Variants in LHFPL4 observed in about 807,000 individuals in gnomAD.
LHFPL4 encodes the protein LHFPL tetraspan subfamily member 4, also known as LHFPL tetraspan subfamily member 4 protein.
Under a neutral mutation model 20.0 loss-of-function variants are expected in LHFPL4, and 6 were observed. The ratio of observed to expected loss-of-function variants is 0.30; its 90% CI spans 0.16 to 0.59. LHFPL4 has a LOEUF of 0.59. LHFPL4 is among the 20% of genes least tolerant of loss of function. The pLI is 0.88. For synonymous variants in LHFPL4, 129 were observed against 143.8 expected (o/e 0.90, Z 0.74); for missense variants, 215 against 331.2 (o/e 0.65, Z 2.72).
chr3:9,552,447 C>T lies in LHFPL4; in HGVS notation c.233G>A (p.Arg78Gln), dbSNP rs2046561794. The stretch of plus-strand genomic sequence containing the variant: ...GGTGCTGAAGTCGGTGAAGGAGCCC[C>T]GGCAGGTGAGCTCGCGGCCCGCCAG... Reference protein sequence around the residue: ...SGLAGRELTCRGSFTDFSTIP... With the variant: ...SGLAGRELTCQGSFTDFSTIP... The change falls in exon 2 of 4, where the codon CGG becomes CAG. Residue 78 changes from arginine to glutamine, a missense_variant. Physicochemically the swap from Arg to Gln is conservative, Grantham distance 43. Around this residue, in one of 2 missense-constraint regions of LHFPL4, gnomAD observed 164 missense variants for 286.7 expected, o/e 0.57. Coordinates refer to ENST00000287585, the MANE Select transcript of LHFPL4 (RefSeq NM_198560.3). 4.3e-6 allele frequency: 7 copies of T among 1,613,380 alleles called. No individual in the cohort carries two copies. Among genetic ancestry groups the T allele is most frequent in the Non-Finnish European group, 5.9e-6 (7 of 1,179,804 alleles).
At chr3:9,529,230 T>C (rs981149671) in intron 2 of LHFPL4, among the ~76,000 whole-genome samples, 1 of 152,080 alleles carries the variant, frequency 6.6e-6, no homozygotes. Context: ...GGTTTCACCA[T>C]GTTGGCCAGG....
intron 3 of LHFPL4, among the ~76,000 whole-genome samples, chr3:9,502,758 T>C (rs1574835192): frequency 6.7e-6 from 1 of 150,314 alleles, no homozygotes; most frequent in Non-Finnish European, 1.5e-5. Context: ...AGCGCTGAAA[T>C]CCTAGCCTCA....
At chr3:9,502,707 A>G (rs2125654241) in intron 3 of LHFPL4, among the ~76,000 whole-genome samples, 1 of 151,740 alleles carries the variant, frequency 6.6e-6, no homozygotes, top group East Asian at 1.9e-4. Context: ...CCATCTCAAA[A>G]AAAAAAAAAA....
chr3:9,534,845 T>C (rs1201860701), intron 2 of LHFPL4, among the ~76,000 whole-genome samples: 1 of 152,222 alleles, frequency 6.6e-6, no homozygotes, highest in Non-Finnish European at 1.5e-5. Flanking sequence ...TTGACTGAGC[T>C]TGCCAATTTA....
chr3:9,498,505 C>T lies in LHFPL4; in HGVS notation c.*3706G>A, dbSNP rs2046146744. On this transcript the variant is annotated 3_prime_UTR_variant, in exon 4 of 4. Coordinates refer to ENST00000287585, the MANE Select transcript of LHFPL4 (RefSeq NM_198560.3). ...CGAGGACACACTCAGACAAAACTTA[C>T]TAATGGGGTATAGACAACACCAAGC... The T allele has an allele frequency of 6.5e-6, 1 of 152,768 alleles. No homozygotes were observed. Among genetic ancestry groups the T allele is most frequent in the South Asian group, 2.1e-4 (1 of 4,832 alleles). 9.5% of individuals were successfully genotyped at this position (152,768 alleles called of 1,614,324 possible).
Position 9,552,726 on chromosome 3 carries a change from C to G in LHFPL4, c.-47G>C, listed in dbSNP as rs1406487215. ...CGGCGGCGGCGGCTGGCGGGGGCCG[C>G]CGGCCCGGGACGGAGCGCCGGGCTG... On this transcript the variant is annotated 5_prime_UTR_variant, in exon 2 of 4. Coordinates refer to ENST00000287585, the MANE Select transcript of LHFPL4 (RefSeq NM_198560.3). The G allele has an allele frequency of 8.5e-7, 1 of 1,173,478 alleles. No homozygotes were observed. The highest frequency in any genetic ancestry group is 1.1e-6 in the Non-Finnish European group (1 of 940,658). The allele number at this position is 1,173,478 out of a possible 1,614,324, so 72.7% of individuals were successfully genotyped here. A position where few individuals can be genotyped will look rare whatever the true frequency, so the allele number is the denominator to read the frequency against.
At position 9,506,013 on chromosome 3, in the gene LHFPL4, G is replaced by A; in HGVS notation, c.597C>T (p.Asn199=). The A allele has an allele frequency of 6.2e-7, 1 of 1,614,198 alleles. No individual in the cohort carries two copies. Among genetic ancestry groups the A allele is most frequent in the Non-Finnish European group, 8.5e-7 (1 of 1,180,032 alleles). The change falls in exon 3 of 4, where the codon AAC becomes AAT. Residue 199 remains asparagine, a synonymous_variant. Transcript: ENST00000287585. This position sits in a 1 kb window ranked among gnomAD's most constrained non-coding sequence, Gnocchi z 4.5. ...ILSFLAFVLG[N]RQTDLLQEEL... ...CCTCCTGCAGCAGGTCTGTTTGCCG[G>A]TTGCCCAGCACGAAGGCGAGGAAGG...
intron 2 of LHFPL4, among the ~76,000 whole-genome samples, chr3:9,536,474 C>G (rs2046445327): frequency 1.3e-5 from 2 of 152,140 alleles, no homozygotes; most frequent in Admixed American, 1.3e-4. Context: ...GCAAGGCTGA[C>G]TAACTCAACC....
chr3:9,526,423 A>G (rs79200782), intron 2 of LHFPL4, among the ~76,000 whole-genome samples: 2,851 of 152,304 alleles, frequency 0.019, 95 homozygotes, highest in African/African-American at 0.065. Context: ...AAAATGCGGG[A>G]AAAAAGAATG....
chr3:9,524,091 T>A (rs535261141), intron 2 of LHFPL4, among the ~76,000 whole-genome samples: 1 of 151,526 alleles, frequency 6.6e-6, no homozygotes, highest in Non-Finnish European at 1.5e-5. Flanking sequence ...AAGATGTTTG[T>A]TTTTTGTTGT....
chr3:9,522,901 C>T (rs1397216462), intron 2 of LHFPL4, among the ~76,000 whole-genome samples: 1 of 151,124 alleles, frequency 6.6e-6, no homozygotes, highest in African/African-American at 2.4e-5. Context: ...ATTAGCCTGG[C>T]GTGGTGGTGG....
intron 2 of LHFPL4, among the ~76,000 whole-genome samples, chr3:9,547,758 C>G (rs1021299267): frequency 1.3e-5 from 2 of 151,910 alleles, no homozygotes; most frequent in Non-Finnish European, 2.9e-5. Flanking sequence ...ATTAATCCTC[C>G]TTTAACCAAG....
chr3:9,543,427 G>A (rs1041987098), intron 2 of LHFPL4, among the ~76,000 whole-genome samples: 1 of 151,756 alleles, frequency 6.6e-6, no homozygotes, highest in African/African-American at 2.4e-5. Flanking sequence ...CAGAACCCAG[G>A]AGGCGGAGCT....
intron 2 of LHFPL4, among the ~76,000 whole-genome samples, chr3:9,528,555 T>A (rs1320446402): frequency 6.6e-6 from 1 of 152,210 alleles, no homozygotes; most frequent in East Asian, 1.9e-4. Flanking sequence ...TTAACCTCTT[T>A]CAAACTCCTG....
At position 9,502,198 on chromosome 3, in the gene LHFPL4, T is replaced by C; in HGVS notation, c.*13A>G. 6.2e-7 allele frequency: 1 copy of C among 1,602,394 alleles called. No homozygotes were observed. Among genetic ancestry groups the C allele is most frequent in the South Asian group, 1.1e-5 (1 of 90,838 alleles). On this transcript the variant is annotated 3_prime_UTR_variant, in exon 4 of 4. Transcript: ENST00000287585. Reference sequence around the variant, plus strand: ...TGAGGTCAGGCCAATTACTGGGCTGTGATCCTGGCCTTTCAGGGTCCCTGT... The same window carrying C: ...TGAGGTCAGGCCAATTACTGGGCTGCGATCCTGGCCTTTCAGGGTCCCTGT...
Position 9,505,053 on chromosome 3 carries a change from G to A in LHFPL4, c.643+914C>T, listed in dbSNP as rs56386759. Among the ~76,000 whole-genome samples, 458 of 152,006 alleles carry A rather than the reference G, an allele frequency of 3.0e-3. 3 individuals carry two copies. The highest frequency in any genetic ancestry group is 5.5e-3 in the Non-Finnish European group (377 of 67,990). On this transcript the variant is annotated intron_variant, in intron 3 of 3. Coordinates refer to ENST00000287585, the MANE Select transcript of LHFPL4 (RefSeq NM_198560.3). ...CTGCTCTGTGATGTGAACATGTCAC[G>A]TGTATTTATCCGGCCTCCTGTCCAT...
rs1300269235 is a variant in LHFPL4 at position 9,552,347 on chromosome 3, G to C, written c.333C>G (p.Thr111=). 6.2e-7 allele frequency: 1 copy of C among 1,613,910 alleles called. No individual in the cohort carries two copies. The change falls in exon 2 of 4, where the codon ACC becomes ACG. Residue 111 remains threonine, a synonymous_variant. Transcript: ENST00000287585. The stretch of plus-strand genomic sequence containing the variant: ...TGCAGAAGAAGAAAAGCGAAAAGCA[G>C]GTGATGCAGCCGAGGATCAGCACCA... ...LSMVLILGCI[T]CFSLFFFCNT... is the part of the protein sequence containing the mutation.
Position 9,538,753 on chromosome 3 carries a change from C to T in LHFPL4, c.406+13521G>A, listed in dbSNP as rs904750360. Among the ~76,000 whole-genome samples the T allele has an allele frequency of 4.6e-5, 7 of 150,890 alleles. No homozygotes were observed. The East Asian group carries it at 1.4e-3, about 30-fold the overall frequency. On this transcript the variant is annotated intron_variant, in intron 2 of 3. Transcript: ENST00000287585. Reference sequence around the variant, plus strand: ...TTGCTCTGTCACCCAGGCTGGAGTGCAATGGCGCAATCTTGGCTCACTGCA... The same window carrying T: ...TTGCTCTGTCACCCAGGCTGGAGTGTAATGGCGCAATCTTGGCTCACTGCA...
chr3:9,547,439 T>C (rs1308637981), intron 2 of LHFPL4, among the ~76,000 whole-genome samples: 1 of 152,254 alleles, frequency 6.6e-6, no homozygotes, highest in Non-Finnish European at 1.5e-5. Context: ...ATGGAGATTA[T>C]AGCTCTGTAA....
Sources: allele counts gnomAD v4.1 joint callset (sites outside exome capture counted in the v4.1 genomes callset), GRCh38; gene constraint gnomAD v4.1.1; regional missense constraint gnomAD v4.1.1; non-coding constraint Gnocchi (gnomAD v3.1); transcripts MANE v1.5; gene names NCBI Gene and HGNC (gene_info 2026-07-23, HGNC 2026-07-21).